NRP1: variants seen among roughly 807,000 people sequenced by gnomAD.
NRP1 encodes the protein neuropilin-1.
NRP1 carries 35 observed loss-of-function variants against 106.7 expected under a neutral mutation model. That is an observed-to-expected ratio of 0.33 (90% CI 0.25 to 0.43). The LOEUF (loss-of-function observed/expected upper bound fraction) is 0.43. NRP1 is among the 20% of genes least tolerant of loss of function. NRP1 has a pLI of 1.00. For missense variants in NRP1, 1,024 were observed against 1,170.4 expected (o/e 0.87, Z 1.83); for synonymous variants, 437 against 417.9 (o/e 1.05, Z -0.56).
At chr10:33,204,961 A>C (rs1005774527) in intron 10 of NRP1, among the ~76,000 whole-genome samples, 3 of 152,060 alleles carry the variant, frequency 2.0e-5, no homozygotes, top group Admixed American at 2.0e-4. Context: ...CAAGCTCCTG[A>C]GCTCAAGTGA....
chr10:33,320,870 A>G (rs959633294), intron 2 of NRP1, among the ~76,000 whole-genome samples: 1 of 152,206 alleles, frequency 6.6e-6, no homozygotes, highest in Non-Finnish European at 1.5e-5. Context: ...TGAGGACTCT[A>G]CGGAGATGGG....
intron 12 of NRP1, among the ~76,000 whole-genome samples, chr10:33,196,578 C>G (rs1836801347): frequency 6.6e-6 from 1 of 152,172 alleles, no homozygotes; most frequent in South Asian, 2.1e-4. Context: ...TAGGCAGTGA[C>G]TCTTCTGTTT....
intron 3 of NRP1, among the ~76,000 whole-genome samples, chr10:33,265,580 AAAC>A (rs1842864774): frequency 6.6e-6 from 1 of 152,216 alleles, no homozygotes. Context: ...CCTGTTGAGA[AAAC>A]AAATCAATCC....
chr10:33,207,577 A>G lies in NRP1; in HGVS notation c.1754T>C (p.Val585Ala), dbSNP rs758712396. 3 of 1,614,100 alleles carry G rather than the reference A, an allele frequency of 1.9e-6. No individual in the cohort carries two copies. Among genetic ancestry groups the G allele is most frequent in the Non-Finnish European group, 2.5e-6 (3 of 1,179,990 alleles). The change falls in exon 10 of 17, where the codon GTG becomes GCG. Residue 585 changes from valine (V) to alanine (A), a missense_variant. Physicochemically the swap from Val to Ala is moderately conservative, Grantham distance 64. Coordinates refer to ENST00000374867, the MANE Select transcript of NRP1 (RefSeq NM_003873.7). ...GLRMELLGCE[V>A]EAPTAGPTTP... Reference sequence around the variant, plus strand: ...ACTCTGGAGATCATAATTACCTTCCACTTCACAGCCCAGCAGCTCCATTCT... The same window carrying G: ...ACTCTGGAGATCATAATTACCTTCCGCTTCACAGCCCAGCAGCTCCATTCT...
intron 6 of NRP1, among the ~76,000 whole-genome samples, chr10:33,238,636 C>CAGCA (rs1840763872): frequency 6.6e-6 from 1 of 152,108 alleles, no homozygotes; most frequent in Non-Finnish European, 1.5e-5. Context: ...GTGATGCAGG[C>CAGCA]AGCATATGGT....
chr10:33,278,406 T>C (rs1047121600), intron 2 of NRP1, among the ~76,000 whole-genome samples: 1 of 152,144 alleles, frequency 6.6e-6, no homozygotes, highest in Non-Finnish European at 1.5e-5. Flanking sequence ...GGGAAGAACG[T>C]GGTGCTAAGG....
At chr10:33,296,897 T>C (rs907169316) in intron 2 of NRP1, among the ~76,000 whole-genome samples, 8 of 151,744 alleles carry the variant, frequency 5.3e-5, no homozygotes, top group Admixed American at 5.3e-4. Flanking sequence ...AGCATGGTGG[T>C]GCATGCCTGT....
chr10:33,323,443 CTGTT>C (rs1051013920), intron 2 of NRP1, among the ~76,000 whole-genome samples: 2 of 151,940 alleles, frequency 1.3e-5, no homozygotes, highest in African/African-American at 4.8e-5. Context: ...CCAAAATATT[CTGTT>C]TGTTTTTTTT....
intron 2 of NRP1, among the ~76,000 whole-genome samples, chr10:33,273,506 T>C (rs1843462254): frequency 6.6e-6 from 1 of 152,194 alleles, no homozygotes; most frequent in Admixed American, 6.5e-5. Flanking sequence ...CCAGCCTGCA[T>C]TGGCCTGAAG....
intron 2 of NRP1, among the ~76,000 whole-genome samples, chr10:33,308,376 T>C (rs1292012077): frequency 7.0e-6 from 1 of 143,884 alleles, no homozygotes; most frequent in South Asian, 2.1e-4. Context: ...AAAAGTTTTA[T>C]ATATATACAT....
intron 16 of NRP1, among the ~76,000 whole-genome samples, chr10:33,181,748 A>C (rs1281243666): frequency 6.6e-6 from 1 of 152,234 alleles, no homozygotes; most frequent in East Asian, 1.9e-4. Context: ...TTTCAGTCTC[A>C]CTATCTGTAA....
intron 12 of NRP1, among the ~76,000 whole-genome samples, chr10:33,192,701 AT>A (rs1325759114): frequency 6.6e-6 from 1 of 152,192 alleles, no homozygotes; most frequent in Non-Finnish European, 1.5e-5. Context: ...CAGGAAGGCT[AT>A]TTTCTAAAGC....
chr10:33,316,088 C>G (rs1245270771), intron 2 of NRP1, among the ~76,000 whole-genome samples: 1 of 152,040 alleles, frequency 6.6e-6, no homozygotes, highest in Non-Finnish European at 1.5e-5. Flanking sequence ...AAGCACAGAC[C>G]GAGGCAGGGA....
At chr10:33,290,357 T>G (rs1358962500) in intron 2 of NRP1, among the ~76,000 whole-genome samples, 1 of 151,706 alleles carries the variant, frequency 6.6e-6, no homozygotes, top group African/African-American at 2.4e-5. Context: ...GGTTTTTTTT[T>G]TTTTTTTTTT....
chr10:33,182,678 G>A lies in NRP1; in HGVS notation c.2482+20C>T, dbSNP rs1296891948. 6.3e-7 allele frequency: 1 copy of A among 1,587,824 alleles called. No homozygotes were observed. Among genetic ancestry groups the A allele is most frequent in the South Asian group, 1.1e-5 (1 of 90,084 alleles). On this transcript the variant is annotated intron_variant, in intron 16 of 16. Coordinates refer to ENST00000374867, the MANE Select transcript of NRP1 (RefSeq NM_003873.7). ...GCCATAGTAAAATTTTTTAAAAATT[G>A]GTCAGCAAGACAAATTTACCTGTTT... is the stretch of plus-strand genomic sequence containing the variant.
chr10:33,258,232 A>C (rs915918372), intron 4 of NRP1, among the ~76,000 whole-genome samples: 2 of 152,226 alleles, frequency 1.3e-5, no homozygotes, highest in Non-Finnish European at 2.9e-5. Flanking sequence ...GCTCTTGGCC[A>C]ATTCTCTTTA....
At chr10:33,275,880 A>G (rs1843654440) in intron 2 of NRP1, among the ~76,000 whole-genome samples, 1 of 152,134 alleles carries the variant, frequency 6.6e-6, no homozygotes, top group African/African-American at 2.4e-5. Context: ...ACTGCACTCC[A>G]GCCTGGTCAA....
At chr10:33,264,450 C>T (rs900812884) in intron 3 of NRP1, among the ~76,000 whole-genome samples, 2 of 151,900 alleles carry the variant, frequency 1.3e-5, no homozygotes, top group African/African-American at 2.4e-5. Context: ...ACAGGTGGGC[C>T]GGTAAAGTGT....
intron 2 of NRP1, among the ~76,000 whole-genome samples, chr10:33,320,613 G>A (rs1187017016): frequency 6.6e-6 from 1 of 152,148 alleles, no homozygotes; most frequent in African/African-American, 2.4e-5. Context: ...CTGAATTTTT[G>A]CTGATCTCTT....
Sources: gnomAD v4.1 joint callset for allele counts (sites outside exome capture counted in the v4.1 genomes callset) on GRCh38, gnomAD v4.1.1 for gene constraint, MANE v1.5 for transcripts, NCBI Gene and HGNC (gene_info 2026-07-23, HGNC 2026-07-21) for gene names.